Variants in ADIPOR2 observed in about 807,000 individuals in gnomAD.
ADIPOR2 encodes the protein adiponectin receptor protein 2.
Under a neutral mutation model 40.9 loss-of-function variants are expected in ADIPOR2, and 18 were observed. The ratio of observed to expected loss-of-function variants is 0.44; its 90% CI spans 0.30 to 0.65. The LOEUF is 0.65. Among genes scored for constraint, ADIPOR2 ranks in the 30% least tolerant of loss-of-function variants. The pLI is 0.09. For synonymous variants in ADIPOR2, 165 were observed against 166.4 expected (o/e 0.99, Z 0.06); for missense variants, 283 against 479.2 (o/e 0.59, Z 3.82).
chr12:1,763,431 A>G (rs1273087431), intron 2 of ADIPOR2, among the ~76,000 whole-genome samples: 1 of 152,220 alleles, frequency 6.6e-6, no homozygotes, highest in African/African-American at 2.4e-5. Flanking sequence ...AATGATAATA[A>G]CTTAGTGCAT....
At chr12:1,694,453 T>C (rs1021109776) in intron 1 of ADIPOR2, among the ~76,000 whole-genome samples, 2 of 152,268 alleles carry the variant, frequency 1.3e-5, no homozygotes, top group African/African-American at 4.8e-5. Context: ...AAATACTTTA[T>C]ATCATTTCTA....
chr12:1,776,800 C>CA lies in ADIPOR2; in HGVS notation c.292-1053dup, dbSNP rs568685938. ...GATGGATTAGTCACTAACTGTCTGA[C>CA]AGGAGATAGCCCCTGGGGATAGTCA... On this transcript the variant is annotated intron_variant, in intron 3 of 7. Transcript: ENST00000357103. Among the ~76,000 whole-genome samples the CA allele has an allele frequency of 4.6e-5, 7 of 152,352 alleles. No homozygotes were observed. The East Asian group carries it at 1.2e-3, about 25-fold the overall frequency.
chr12:1,723,647 A>G (rs2094702242), intron 1 of ADIPOR2, among the ~76,000 whole-genome samples: 1 of 151,832 alleles, frequency 6.6e-6, no homozygotes, highest in Non-Finnish European at 1.5e-5. Context: ...CTCAAAAACA[A>G]AACAAAACAA....
chr12:1,757,508 G>A (rs1862159714), intron 2 of ADIPOR2: 1 of 773,186 alleles, frequency 1.3e-6, no homozygotes, highest in Non-Finnish European at 2.4e-6. Flanking sequence ...CAAACTTGAT[G>A]AAATTGGTAA....
rs1411165103 is a variant in ADIPOR2, at chr12:1,754,456, A to G, written c.113A>G (p.His38Arg). 1 of 1,613,530 alleles carries G rather than the reference A, an allele frequency of 6.2e-7. No homozygotes were observed. The highest frequency in any genetic ancestry group is 8.5e-7 in the Non-Finnish European group (1 of 1,179,740). ...DGTRRGDNDS[H>R]QGDLEPILEA... ...ACACGAAGAGGTGATAATGACAGCC[A>G]CCAAGGAGATTTGGAGCCCATTTTA... Residue 38 changes from histidine (H) to arginine (R), a missense_variant, in exon 2 of 8, where the codon CAC (histidine) becomes CGC (arginine). Transcript: ENST00000357103.
chr12:1,714,197 G>A (rs2094683280), intron 1 of ADIPOR2, among the ~76,000 whole-genome samples: 1 of 152,090 alleles, frequency 6.6e-6, no homozygotes, highest in Non-Finnish European at 1.5e-5. Context: ...CGGGTGATTG[G>A]CCTGCTCCAT....
intron 1 of ADIPOR2, among the ~76,000 whole-genome samples, chr12:1,704,115 T>G (rs1411634393): frequency 6.6e-6 from 1 of 151,204 alleles, no homozygotes; most frequent in Non-Finnish European, 1.5e-5. Flanking sequence ...TTTAATTTTA[T>G]TATATGTATA....
chr12:1,717,528 A>G (rs1238664735), intron 1 of ADIPOR2, among the ~76,000 whole-genome samples: 1 of 152,118 alleles, frequency 6.6e-6, no homozygotes, highest in Non-Finnish European at 1.5e-5. Context: ...GAACATGGAG[A>G]AACCCTGTCT....
intron 2 of ADIPOR2, 39 bp downstream of exon 2, chr12:1,754,553 T>C (rs1862071286): frequency 6.4e-7 from 1 of 1,559,768 alleles, no homozygotes; most frequent in South Asian, 1.2e-5. Context: ...AAGGAAAAAA[T>C]GTGGAGGAAG....
In ADIPOR2 at chr12:1,712,826, G is replaced by A. The variant is rs538274505; in HGVS notation, c.-87+21635G>A. On this transcript the variant is annotated intron_variant, in intron 1 of 7. Transcript: ENST00000357103. ...GGGCGAGGATAAGCCAGTATAGGCT[G>A]TATTCGTTTCTTGCTGAGGGCCCTG... Among the ~76,000 whole-genome samples the A allele has an allele frequency of 3.3e-5, 5 of 152,238 alleles. No individual in the cohort carries two copies. In the South Asian group the frequency reaches 1.0e-3, roughly 32 times the overall value.
rs772136600 is a variant in ADIPOR2 at position 1,780,911 on chromosome 12, C to T, written c.673C>T (p.Leu225Phe). ...FSKLDYSGIA[L>F]LIMGSFVPWL... is the part of the protein sequence containing the mutation. ...TAGACTGGATTACTCTGGTATTGCT[C>T]TTCTGATTATGGGAAGTTTTGTTCC... Residue 225 changes from leucine to phenylalanine, a missense_variant, in exon 6 of 8, where the codon CTT (leucine) becomes TTT (phenylalanine). This residue lies in a region of ADIPOR2 where 112 missense variants were observed against 249.5 expected (regional missense o/e 0.45). Coordinates refer to ENST00000357103, the MANE Select transcript of ADIPOR2 (RefSeq NM_024551.3). 1.9e-6 allele frequency: 3 copies of T among 1,609,154 alleles called. No homozygotes were observed. The highest frequency in any genetic ancestry group is 1.3e-5 in the African/African-American group (1 of 74,352).
At chr12:1,692,188 A>C (rs2094628550) in intron 1 of ADIPOR2, among the ~76,000 whole-genome samples, 1 of 152,040 alleles carries the variant, frequency 6.6e-6, no homozygotes, top group Non-Finnish European at 1.5e-5. Context: ...GAACTTTTCC[A>C]AATGAAATGC....
intron 2 of ADIPOR2, chr12:1,757,427 C>G (rs1002619889): frequency 2.7e-6 from 2 of 729,388 alleles, no homozygotes; most frequent in Non-Finnish European, 5.1e-6. Context: ...CAGAGTGCCT[C>G]TCTCTGTTGG....
At chr12:1,698,042 C>T (rs916461056) in intron 1 of ADIPOR2, 1 of 152,220 alleles carries the variant, frequency 6.6e-6, no homozygotes, top group African/African-American at 2.4e-5. Flanking sequence ...TTCTGCAGGA[C>T]ATGTTGGCTG....
chr12:1,779,733 G>A (rs1278250094), intron 4 of ADIPOR2, among the ~76,000 whole-genome samples: 5 of 152,206 alleles, frequency 3.3e-5, no homozygotes, highest in Non-Finnish European at 7.3e-5. Context: ...GTCAAATCAA[G>A]TTTGTTGCTG....
chr12:1,735,608 C>T (rs1440906419), intron 1 of ADIPOR2, among the ~76,000 whole-genome samples: 2 of 152,118 alleles, frequency 1.3e-5, no homozygotes, highest in Non-Finnish European at 2.9e-5. Flanking sequence ...GCCTAATTGC[C>T]CTGGCCAGAA....
intron 2 of ADIPOR2, among the ~76,000 whole-genome samples, chr12:1,760,153 TA>T: frequency 6.6e-6 from 1 of 152,254 alleles, no homozygotes; most frequent in East Asian, 1.9e-4. Flanking sequence ...TTATTTTAAA[TA>T]AGTATTTTAT....
intron 1 of ADIPOR2, among the ~76,000 whole-genome samples, chr12:1,719,006 A>T (rs2094692880): frequency 6.6e-6 from 1 of 152,236 alleles, no homozygotes; most frequent in Non-Finnish European, 1.5e-5. Context: ...GTGTTATGGC[A>T]GTTAAGATTT....
chr12:1,753,084 G>A (rs563751518), intron 1 of ADIPOR2, among the ~76,000 whole-genome samples: 4 of 152,066 alleles, frequency 2.6e-5, no homozygotes, highest in Non-Finnish European at 5.9e-5. Flanking sequence ...CTAATTCTTA[G>A]TCTATGTATC....
Sources: gnomAD v4.1 joint callset for allele counts (sites outside exome capture counted in the v4.1 genomes callset) on GRCh38, gnomAD v4.1.1 for gene constraint, gnomAD v4.1.1 regional missense constraint, MANE v1.5 for transcripts, NCBI Gene and HGNC (gene_info 2026-07-23, HGNC 2026-07-21) for gene names.